The following AHI1 variants were observed in gnomAD, a reference collection of about 807,000 sequenced individuals.
AHI1 encodes the protein Abelson helper integration site 1, also known as jouberin.
In AHI1, 123 loss-of-function variants were observed where a neutral mutation model predicts 149.3. That is an observed-to-expected ratio of 0.82 (90% CI 0.71 to 0.96). AHI1 has a LOEUF of 0.96. AHI1 is among the 40% of genes least tolerant of loss of function. AHI1 has a pLI of 0.00. For missense variants in AHI1, 1,439 were observed against 1,422.7 expected (o/e 1.01, Z -0.18); for synonymous variants, 475 against 459.8 (o/e 1.03, Z -0.42).
chr6:135,324,579 G>C (rs1449617886), intron 24 of AHI1, among the ~76,000 whole-genome samples: 2 of 146,616 alleles, frequency 1.4e-5, no homozygotes, highest in African/African-American at 5.2e-5. Flanking sequence ...TATATTTATA[G>C]CATGTCTCAG....
intron 23 of AHI1, among the ~76,000 whole-genome samples, chr6:135,382,894 TAAAAA>T (rs573438726): frequency 2.0e-3 from 31 of 15,568 alleles, no homozygotes; most frequent in African/African-American, 2.7e-3. Context: ...GCAAAATTAG[TAAAAA>T]AAAAAAAAAA....
rs183862577 is a variant in AHI1 at position 135,455,922 on chromosome 6, G to A, written c.1156C>T (p.Arg386Trp). ...TTTTCATAGTAAGATGAAACAGGCC[G>A]TCCACTGTACAAAAAAAGATACTTC... Reference protein sequence around the residue: ...GQYVKKDDSGRPVSSYYEKEN... With the variant: ...GQYVKKDDSGWPVSSYYEKEN... The change falls in exon 10 of 29, where the codon CGG becomes TGG. Residue 386 changes from arginine (R) to tryptophan (W), a missense_variant. Physicochemically the swap from Arg to Trp is moderately radical, Grantham distance 101 (BLOSUM62 -3). Coordinates refer to ENST00000265602, the MANE Select transcript of AHI1 (RefSeq NM_001134831.2). 3.1e-5 allele frequency: 45 copies of A among 1,440,652 alleles called. No homozygotes were observed. The highest frequency in any genetic ancestry group is 1.9e-4 in the Middle Eastern group (1 of 5,338). The allele number at this position is 1,440,652 out of a possible 1,614,324, so 89.2% of individuals were successfully genotyped here. A position where few individuals can be genotyped will look rare whatever the true frequency, so the allele number is the denominator to read the frequency against.
At chr6:135,441,638 T>C (rs896242437) in intron 14 of AHI1, among the ~76,000 whole-genome samples, 1 of 152,174 alleles carries the variant, frequency 6.6e-6, no homozygotes, top group South Asian at 2.1e-4. Flanking sequence ...TCACAGAAGC[T>C]TTTAAAACAT....
chr6:135,290,117 T>C (rs1453412028), intron 28 of AHI1, among the ~76,000 whole-genome samples: 1 of 152,208 alleles, frequency 6.6e-6, no homozygotes, highest in Non-Finnish European at 1.5e-5. Context: ...GTCTATACCC[T>C]GTGTTTTCCA....
At chr6:135,403,811 T>C (rs1487591171) in intron 22 of AHI1, among the ~76,000 whole-genome samples, 1 of 152,114 alleles carries the variant, frequency 6.6e-6, no homozygotes, top group Non-Finnish European at 1.5e-5. Flanking sequence ...TCGTCTTCCT[T>C]CCCCTTGTCT....
chr6:135,440,599 T>C (rs533906971), intron 14 of AHI1, among the ~76,000 whole-genome samples: 2 of 152,234 alleles, frequency 1.3e-5, no homozygotes, highest in Admixed American at 6.5e-5. Context: ...GGCAGAGCTG[T>C]AGATTGTGTA....
intron 14 of AHI1, among the ~76,000 whole-genome samples, chr6:135,438,995 C>T (rs1033345078): frequency 1.3e-5 from 2 of 152,146 alleles, no homozygotes; most frequent in African/African-American, 4.8e-5. Flanking sequence ...TTAACAATGA[C>T]TCAATCAGAC....
intron 23 of AHI1, among the ~76,000 whole-genome samples, chr6:135,378,807 TA>T (rs924007694): frequency 6.6e-5 from 10 of 152,278 alleles, no homozygotes; most frequent in Middle Eastern, 3.4e-3. Flanking sequence ...AATGCAGAGT[TA>T]AAAAAATACA....
chr6:135,370,848 T>C (rs1057010139), intron 23 of AHI1, among the ~76,000 whole-genome samples: 4 of 152,196 alleles, frequency 2.6e-5, no homozygotes, highest in African/African-American at 4.8e-5. Flanking sequence ...CTCCTTTTTT[T>C]TCTTGCCTGT....
At chr6:135,312,007 GAGC>G (rs1234139887) in intron 26 of AHI1, among the ~76,000 whole-genome samples, 3 of 152,212 alleles carry the variant, frequency 2.0e-5, no homozygotes, top group Admixed American at 6.5e-5. Context: ...ATTAGCAACA[GAGC>G]AGGTGTGTTC....
chr6:135,416,785 C>T (rs930789033), intron 20 of AHI1, among the ~76,000 whole-genome samples: 2 of 151,974 alleles, frequency 1.3e-5, no homozygotes, highest in East Asian at 1.9e-4. Flanking sequence ...TGAAGACCAG[C>T]TCAATAATAA....
Position 135,318,603 on chromosome 6 carries a change from T to C in AHI1, c.3342A>G (p.Glu1114=), listed in dbSNP as rs199708272. The change falls in exon 26 of 29, where the codon GAA becomes GAG. Residue 1114 remains glutamate, a synonymous_variant. Transcript: ENST00000265602. ...NHVASETLYQ[E]LPPEIKERSP... ...ATCGCTCCTTTATCTCAGGAGGCAG[T>C]TCTTGATACAGTGCTGAAATTGGAA... The C allele has an allele frequency of 6.7e-5, 107 of 1,602,394 alleles. No individual in the cohort carries two copies. In the African/African-American group the frequency reaches 1.3e-3, roughly 19 times the overall value.
chr6:135,497,022 AG>A (rs1796058744), intron 2 of AHI1, among the ~76,000 whole-genome samples, 165 bp downstream of exon 2: 1 of 152,224 alleles, frequency 6.6e-6, no homozygotes, highest in Admixed American at 6.5e-5. Context: ...CTCAAAAGAA[AG>A]GGGAAAGCTT....
At chr6:135,421,392 C>T (rs529492790) in intron 20 of AHI1, among the ~76,000 whole-genome samples, 1 of 152,136 alleles carries the variant, frequency 6.6e-6, no homozygotes, top group South Asian at 2.1e-4. Flanking sequence ...ACCAGTAAAA[C>T]GAGGTATGCC....
At chr6:135,481,220 C>T (rs968977133) in intron 5 of AHI1, among the ~76,000 whole-genome samples, 1 of 152,146 alleles carries the variant, frequency 6.6e-6, no homozygotes, top group Non-Finnish European at 1.5e-5. Flanking sequence ...GACTTCTCAG[C>T]CTTAAAACCC....
At chr6:135,484,315 T>C (rs1794160046) in intron 5 of AHI1, among the ~76,000 whole-genome samples, 1 of 152,192 alleles carries the variant, frequency 6.6e-6, no homozygotes, top group South Asian at 2.1e-4. Context: ...TACTGTTACC[T>C]TTCTACCAGC....
At chr6:135,372,971 T>C (rs541605834) in intron 23 of AHI1, among the ~76,000 whole-genome samples, 14 of 152,356 alleles carry the variant, frequency 9.2e-5, no homozygotes, top group African/African-American at 3.4e-4. Context: ...TTGACTCAAA[T>C]ATTAACTGAA....
intron 24 of AHI1, among the ~76,000 whole-genome samples, chr6:135,335,066 T>C (rs17064432): frequency 6.6e-6 from 1 of 152,218 alleles, no homozygotes; most frequent in African/African-American, 2.4e-5. Flanking sequence ...GTAAGAAAGA[T>C]AATTTAAAAT....
In AHI1 at chr6:135,318,539, T is replaced by C; in HGVS notation, c.3406A>G (p.Lys1136Glu). The change falls in exon 26 of 29, where the codon AAA becomes GAA. Residue 1136 changes from lysine to glutamate, a missense_variant. Transcript: ENST00000265602. ...LSPEEKTKIE[K>E]SPAPQKQSIN... Reference sequence around the variant, plus strand: ...TTTACCTTTTGAGGAGCTGGAGATTTTTCTATTTTAGTTTTTTCCTCAGGG... The same window carrying C: ...TTTACCTTTTGAGGAGCTGGAGATTCTTCTATTTTAGTTTTTTCCTCAGGG... 7 of 1,594,858 alleles carry C rather than the reference T, an allele frequency of 4.4e-6. No homozygotes were observed. The highest frequency in any genetic ancestry group is 6.0e-6 in the Non-Finnish European group (7 of 1,169,778).
Sources: allele counts gnomAD v4.1 joint callset (sites outside exome capture counted in the v4.1 genomes callset), GRCh38; gene constraint gnomAD v4.1.1; transcripts MANE v1.5; gene names NCBI Gene and HGNC (gene_info 2026-07-23, HGNC 2026-07-21).